KDM5A: variants seen among roughly 807,000 people sequenced by gnomAD.
KDM5A encodes the protein lysine demethylase 5A.
KDM5A carries 42 observed loss-of-function variants against 193.5 expected under a neutral mutation model. The ratio of observed to expected loss-of-function variants is 0.22; its 90% CI spans 0.17 to 0.28. The LOEUF is 0.28. KDM5A is among the 10% of genes least tolerant of loss of function. The pLI, the probability that KDM5A is intolerant of heterozygous loss-of-function variation, is 1.00. For synonymous variants in KDM5A, 796 were observed against 718.1 expected, an observed-to-expected ratio of 1.11 and a Z score of -1.73; for missense variants, 1,692 against 2,055.1, an observed-to-expected ratio of 0.82 and a Z score of 3.42.
chr12:297,214 A>C lies in KDM5A; in HGVS notation c.4075-14T>G. On this transcript the variant is annotated splice_polypyrimidine_tract_variant and intron_variant, in intron 24 of 27. Coordinates refer to ENST00000399788, the MANE Select transcript of KDM5A (RefSeq NM_001042603.3). Reference sequence around the variant, plus strand: ...ACTGGCTGTGTCCTGAAGAAGAAACAAAGAGAAGTATTCAGAATTAGAGTC... The same window carrying C: ...ACTGGCTGTGTCCTGAAGAAGAAACCAAGAGAAGTATTCAGAATTAGAGTC... The C allele has an allele frequency of 6.2e-7, 1 of 1,613,412 alleles. No homozygotes were observed. The highest frequency in any genetic ancestry group is 8.5e-7 in the Non-Finnish European group (1 of 1,179,480).
intron 20 of KDM5A, 117 bp from the exon 21 acceptor site, chr12:311,181 A>C: frequency 1.2e-6 from 1 of 865,548 alleles, no homozygotes; most frequent in South Asian, 1.5e-5. Context: ...TATTCTTTGA[A>C]TGTAATTCCA....
At chr12:367,050 G>A (rs149795795) in intron 3 of KDM5A, among the ~76,000 whole-genome samples, 1 of 152,266 alleles carries the variant, frequency 6.6e-6, no homozygotes, top group African/African-American at 2.4e-5. Context: ...TATGCAGTAG[G>A]CCATACCATC....
At position 281,800 on chromosome 12, in the gene KDM5A, C is replaced by A; in HGVS notation, c.*3656G>T. On this transcript the variant is annotated 3_prime_UTR_variant, in exon 28 of 28. Transcript: ENST00000399788. The stretch of plus-strand genomic sequence containing the variant: ...TTCATCCTCCTACTGTAAGTACTGG[C>A]TGATATTCACACACATGTACTACAG... The A allele has an allele frequency of 4.2e-6, 1 of 236,842 alleles. No homozygotes were observed. The highest frequency in any genetic ancestry group is 1.5e-4 in the South Asian group (1 of 6,616). The allele number at this position is 236,842 out of a possible 1,614,324, so 14.7% of individuals were successfully genotyped here. A position where few individuals can be genotyped will look rare whatever the true frequency, so the allele number is the denominator to read the frequency against.
chr12:366,460 AT>A (rs1944358244), intron 3 of KDM5A, among the ~76,000 whole-genome samples: 1 of 152,224 alleles, frequency 6.6e-6, no homozygotes, highest in Non-Finnish European at 1.5e-5. Flanking sequence ...AAAAATAGAT[AT>A]GAAAATAAAT....
intron 14 of KDM5A, among the ~76,000 whole-genome samples, chr12:325,313 C>G (rs769174561): frequency 4.6e-5 from 7 of 152,202 alleles, no homozygotes; most frequent in Admixed American, 1.3e-4. Flanking sequence ...ACACTTCTGG[C>G]TGCTTCAAGA....
intron 5 of KDM5A, among the ~76,000 whole-genome samples, chr12:358,482 T>A (rs992565797): frequency 3.3e-5 from 5 of 152,206 alleles, no homozygotes; most frequent in African/African-American, 4.8e-5. Flanking sequence ...GCAGAGTATA[T>A]AACAATAAAG....
At position 350,762 on chromosome 12, in the gene KDM5A, T is replaced by C. The variant is rs766132203; in HGVS notation, c.1167A>G (p.Leu389=). The C allele has an allele frequency of 6.2e-7, 1 of 1,613,994 alleles. No individual in the cohort carries two copies. The highest frequency in any genetic ancestry group is 8.5e-7 in the Non-Finnish European group (1 of 1,179,916). Residue 389 remains leucine, a synonymous_variant, in exon 10 of 28, where the codon CTA becomes CTG. Transcript: ENST00000399788. ...CCAGCCGCCAAAATTCCTTTTCTACTAGTTCTGTGGGAACCATCTACACAG... is the reference window on the plus strand; with the variant it reads ...CCAGCCGCCAAAATTCCTTTTCTACCAGTTCTGTGGGAACCATCTACACAG... ...NMPVHMVPTE[L]VEKEFWRLVS...
intron 19 of KDM5A, among the ~76,000 whole-genome samples, chr12:314,253 T>C (rs1943623749): frequency 6.6e-6 from 1 of 152,186 alleles, no homozygotes; most frequent in Admixed American, 6.5e-5. Context: ...TGAAGTGCAG[T>C]GGCGCAATCT....
intron 10 of KDM5A, among the ~76,000 whole-genome samples, chr12:334,665 T>C (rs1401476341): frequency 3.3e-5 from 5 of 152,048 alleles, no homozygotes; most frequent in Non-Finnish European, 7.4e-5. Context: ...CCAAAGCACA[T>C]GAGCAATTCT....
intron 3 of KDM5A, among the ~76,000 whole-genome samples, chr12:382,558 A>G (rs931197358): frequency 2.0e-5 from 3 of 152,226 alleles, no homozygotes; most frequent in African/African-American, 4.8e-5. Context: ...TAAGATATGA[A>G]AGGCCACAAG....
chr12:352,252 C>T lies in KDM5A; in HGVS notation c.1102G>A (p.Glu368Lys), dbSNP rs2137451515. Residue 368 changes from glutamate to lysine, a missense_variant, in exon 9 of 28, where the codon GAG (glutamate) becomes AAG (lysine). Glu to Lys is a moderately conservative substitution (Grantham distance 56). Transcript: ENST00000399788. ...TCAGACTTAAAATTATCTGCCATCT[C>T]TCCAAAGCTCTGAAGTGTATACTCT... ...VREYTLQSFG[E>K]MADNFKSDYF... The T allele has an allele frequency of 6.2e-7, 1 of 1,612,252 alleles. No homozygotes were observed. The highest frequency in any genetic ancestry group is 8.5e-7 in the Non-Finnish European group (1 of 1,178,436).
At chr12:371,410 G>T (rs534238125) in intron 3 of KDM5A, among the ~76,000 whole-genome samples, 3 of 152,272 alleles carry the variant, frequency 2.0e-5, no homozygotes, top group South Asian at 4.2e-4. Context: ...ATAGATGTCT[G>T]CTTTTGAGAA....
intron 27 of KDM5A, among the ~76,000 whole-genome samples, chr12:291,396 G>C (rs955677358): frequency 6.6e-6 from 1 of 152,164 alleles, no homozygotes; most frequent in Non-Finnish European, 1.5e-5. Context: ...GATGGGGTAA[G>C]GTGTTAGTGG....
chr12:388,330 G>A (rs758182837), intron 1 of KDM5A: 2 of 455,378 alleles, frequency 4.4e-6, no homozygotes, highest in Non-Finnish European at 8.8e-6. Flanking sequence ...TACGTCAAGA[G>A]ATTTCAACAT....
chr12:354,979 C>T (rs139569017), intron 7 of KDM5A, among the ~76,000 whole-genome samples, 179 bp downstream of exon 7: 209 of 152,312 alleles, frequency 1.4e-3, no homozygotes, highest in Middle Eastern at 0.01. Flanking sequence ...AAGCAGCCTA[C>T]GTATGTAGGA....
chr12:368,702 G>A (rs1169219215), intron 3 of KDM5A, among the ~76,000 whole-genome samples: 1 of 152,178 alleles, frequency 6.6e-6, no homozygotes, highest in African/African-American at 2.4e-5. Flanking sequence ...CTGAACTCCA[G>A]CCTGGGCAAG....
chr12:280,216 C>T lies in KDM5A; in HGVS notation c.*5240G>A. On this transcript the variant is annotated 3_prime_UTR_variant, in exon 28 of 28. Transcript: ENST00000399788. ...TCTTTTGTACTGTTCCCTACTTTTA[C>T]AATGTGTACAATGTTTCACCATGTT... The T allele has an allele frequency of 4.3e-6, 1 of 232,740 alleles. No individual in the cohort carries two copies. 14.4% of individuals were successfully genotyped at this position (232,740 alleles called of 1,614,324 possible). A position where few individuals can be genotyped will look rare whatever the true frequency, so the allele number is the denominator to read the frequency against.
rs769310501 is a variant in KDM5A, at chr12:307,427, G to C, written c.3930+27C>G. 6.2e-7 allele frequency: 1 copy of C among 1,606,558 alleles called. No homozygotes were observed. The highest frequency in any genetic ancestry group is 8.5e-7 in the Non-Finnish European group (1 of 1,174,764). On this transcript the variant is annotated intron_variant, in intron 23 of 27. Coordinates refer to ENST00000399788, the MANE Select transcript of KDM5A (RefSeq NM_001042603.3). The surrounding 1 kb of genome is among the most constrained non-coding windows in gnomAD (Gnocchi z 4.3). ...ATACACTGACATATCCCATGAAATA[G>C]AAAAAGAATGTAAATCCTAAACTTG...
rs1943522859 is a variant in KDM5A at position 307,519 on chromosome 12, G to T, written c.3865C>A (p.Arg1289=). 1 of 1,613,698 alleles carries T rather than the reference G, an allele frequency of 6.2e-7. No homozygotes were observed. The highest frequency in any genetic ancestry group is 1.7e-5 in the Admixed American group (1 of 60,004). Residue 1289 remains arginine (R), a synonymous_variant, in exon 23 of 28, where the codon CGA becomes AGA. Coordinates refer to ENST00000399788, the MANE Select transcript of KDM5A (RefSeq NM_001042603.3). This position sits in a 1 kb window ranked among gnomAD's most constrained non-coding sequence, Gnocchi z 4.3. ...LSQRMVEQAA[R]EKTEKIISAE... ...CTGATGATCTTTTCAGTTTTTTCTC[G>T]AGCCGCCTGTTCCACCATACGCTGG...
Sources: allele counts gnomAD v4.1 joint callset (sites outside exome capture counted in the v4.1 genomes callset), GRCh38; gene constraint gnomAD v4.1.1; non-coding constraint Gnocchi (gnomAD v3.1); transcripts MANE v1.5; gene names NCBI Gene and HGNC (gene_info 2026-07-23, HGNC 2026-07-21).